Variants in SLC30A8 observed in about 807,000 individuals in gnomAD.
The protein encoded by SLC30A8 is proton-coupled zinc antiporter SLC30A8.
A neutral mutation model predicts 36.9 loss-of-function variants in SLC30A8; 27 were observed. The ratio of observed to expected loss-of-function variants is 0.73; its 90% CI spans 0.54 to 1.01. The LOEUF (loss-of-function observed/expected upper bound fraction) is 1.01. Ranked by LOEUF, SLC30A8 falls within the 50% of genes least tolerant of loss-of-function variation. The probability of loss-of-function intolerance (pLI) is 0.00; values close to 1 mark genes in which losing one functional copy is unlikely to be tolerated. For synonymous variants in SLC30A8, 164 were observed against 172.4 expected, an observed-to-expected ratio of 0.95 and a Z score of 0.38; for missense variants, 439 against 452.0, an observed-to-expected ratio of 0.97 and a Z score of 0.26.
chr8:117,146,715 C>T, intron 1 of SLC30A8: 1 of 724,428 alleles, frequency 1.4e-6, no homozygotes, highest in Non-Finnish European at 2.0e-6. Flanking sequence ...TAATTGGTGG[C>T]ATTGACTGAA....
At chr8:117,164,107 AG>A (rs1822935276) in intron 6 of SLC30A8, 1 of 152,426 alleles carries the variant, frequency 6.6e-6, no homozygotes, top group Non-Finnish European at 1.5e-5. Flanking sequence ...TCCTGGGAAC[AG>A]GGTGCCACTA....
intron 2 of SLC30A8, among the ~76,000 whole-genome samples, chr8:117,097,575 A>T (rs866684736): frequency 1.1e-3 from 112 of 103,856 alleles, no homozygotes; most frequent in South Asian, 8.0e-3. Context: ...TATAATATAT[A>T]ATTTTAAATA....
chr8:117,105,508 C>T (rs575248518), intron 2 of SLC30A8, among the ~76,000 whole-genome samples: 5 of 152,140 alleles, frequency 3.3e-5, no homozygotes, highest in Non-Finnish European at 4.4e-5. Flanking sequence ...TGTATATTAA[C>T]GAATACGCAT....
intron 2 of SLC30A8, among the ~76,000 whole-genome samples, chr8:117,061,537 C>T (rs1818024468): frequency 6.6e-6 from 1 of 152,196 alleles, no homozygotes; most frequent in African/African-American, 2.4e-5. Context: ...GTATCCTAGG[C>T]TGTTTCCATT....
chr8:116,993,117 A>T (rs1460706008), intron 1 of SLC30A8, among the ~76,000 whole-genome samples: 1 of 151,760 alleles, frequency 6.6e-6, no homozygotes, highest in East Asian at 1.9e-4. Flanking sequence ...GCCTAATCCC[A>T]AACTACCTAG....
chr8:116,985,709 A>G (rs551823318), intron 1 of SLC30A8, among the ~76,000 whole-genome samples: 3 of 152,226 alleles, frequency 2.0e-5, no homozygotes, highest in Admixed American at 1.3e-4. Context: ...GAAAGTACCA[A>G]TTTTCCCATG....
intron 1 of SLC30A8, among the ~76,000 whole-genome samples, chr8:116,965,893 T>A (rs1814584369): frequency 6.6e-6 from 1 of 150,684 alleles, no homozygotes; most frequent in Non-Finnish European, 1.5e-5. Context: ...AATTTTTTTT[T>A]TTTTTTTGGA....
intron 2 of SLC30A8, among the ~76,000 whole-genome samples, chr8:117,101,601 G>A (rs1449251573): frequency 3.3e-5 from 5 of 152,200 alleles, no homozygotes; most frequent in Non-Finnish European, 7.3e-5. Flanking sequence ...GTACCTGGGT[G>A]TGTCTGTGAG....
At chr8:117,147,533 C>A (rs1368827963) in intron 2 of SLC30A8, 1 of 171,420 alleles carries the variant, frequency 5.8e-6, no homozygotes, top group Non-Finnish European at 1.3e-5. Flanking sequence ...TTTACATAAC[C>A]ATTTCTCTAT....
intron 2 of SLC30A8, among the ~76,000 whole-genome samples, chr8:117,118,875 A>T (rs1820565014): frequency 6.6e-6 from 1 of 151,924 alleles, no homozygotes; most frequent in Non-Finnish European, 1.5e-5. Flanking sequence ...AATTCTGGCA[A>T]ATTTATAGAA....
intron 2 of SLC30A8, among the ~76,000 whole-genome samples, chr8:117,059,873 A>T (rs1271472024): frequency 6.6e-6 from 1 of 152,090 alleles, no homozygotes; most frequent in Admixed American, 6.6e-5. Flanking sequence ...GTGGGTGAAG[A>T]CAGAGATCAA....
intron 2 of SLC30A8, among the ~76,000 whole-genome samples, chr8:117,093,810 G>T (rs1819241180): frequency 6.6e-6 from 1 of 152,154 alleles, no homozygotes; most frequent in Non-Finnish European, 1.5e-5. Context: ...GGCTGTGCTT[G>T]GCTCGTGCTA....
At chr8:117,138,381 C>A (rs994963813) in intron 1 of SLC30A8, among the ~76,000 whole-genome samples, 1 of 151,950 alleles carries the variant, frequency 6.6e-6, no homozygotes, top group African/African-American at 2.4e-5. Flanking sequence ...AAGAAGTGAG[C>A]GTCTATGGCA....
chr8:117,142,844 C>T (rs918347856), intron 1 of SLC30A8, among the ~76,000 whole-genome samples: 2 of 152,108 alleles, frequency 1.3e-5, no homozygotes, highest in South Asian at 4.1e-4. Context: ...TACTAAAATA[C>T]AAGATCTTTA....
intron 1 of SLC30A8, among the ~76,000 whole-genome samples, chr8:117,030,830 C>G (rs1407826329): frequency 1.3e-5 from 2 of 152,198 alleles, no homozygotes; most frequent in African/African-American, 2.4e-5. Flanking sequence ...GTTCTCTCTC[C>G]TAGTCACACT....
chr8:117,068,881 C>T (rs1818246495), intron 2 of SLC30A8, among the ~76,000 whole-genome samples: 1 of 152,114 alleles, frequency 6.6e-6, no homozygotes, highest in African/African-American at 2.4e-5. Flanking sequence ...GTGGCAACCA[C>T]TTTTTTACCA....
rs901131736 is a variant in SLC30A8, at chr8:117,135,251, A to C, written c.-77A>C. 2 of 942,326 alleles carry C rather than the reference A, an allele frequency of 2.1e-6. No individual in the cohort carries two copies. Among genetic ancestry groups the C allele is most frequent in the Admixed American group, 2.3e-5 (1 of 42,786 alleles). 58.4% of individuals were successfully genotyped at this position (942,326 alleles called of 1,614,324 possible). ...CTTTAGAAAGTGTATAAATAATTGC[A>C]GTGCTGCTTTGCTTCCAAAACTGGG... On this transcript the variant is annotated 5_prime_UTR_variant, in exon 1 of 8. Transcript: ENST00000456015.
intron 2 of SLC30A8, among the ~76,000 whole-genome samples, chr8:117,048,196 C>G (rs1037127104): frequency 3.9e-5 from 6 of 152,240 alleles, no homozygotes; most frequent in Middle Eastern, 3.4e-3. Flanking sequence ...GATTGGGACC[C>G]CTTTCTGGTA....
At chr8:116,987,760 A>G (rs1815499176) in intron 1 of SLC30A8, among the ~76,000 whole-genome samples, 1 of 152,140 alleles carries the variant, frequency 6.6e-6, no homozygotes, top group African/African-American at 2.4e-5. Flanking sequence ...CAGTGGCACG[A>G]TCTCTGCTCA....
Sources: allele counts gnomAD v4.1 joint callset (sites outside exome capture counted in the v4.1 genomes callset), GRCh38; gene constraint gnomAD v4.1.1; transcripts MANE v1.5; gene names NCBI Gene and HGNC (gene_info 2026-07-23, HGNC 2026-07-21).